CDH12: variants seen among roughly 807,000 people sequenced by gnomAD.
The protein encoded by CDH12 is cadherin 12.
A neutral mutation model predicts 74.1 loss-of-function variants in CDH12; 41 were observed. That is an observed-to-expected ratio of 0.55 (90% CI 0.43 to 0.72). The LOEUF (loss-of-function observed/expected upper bound fraction) is 0.72, where lower values mean the gene tolerates loss of function less well. Among genes scored for constraint, CDH12 ranks in the 30% least tolerant of loss-of-function variants. The pLI is 0.00. For synonymous variants in CDH12, 399 were observed against 355.0 expected, an observed-to-expected ratio of 1.12 and a Z score of -1.39; for missense variants, 945 against 977.2, an observed-to-expected ratio of 0.97 and a Z score of 0.44.
intron 4 of CDH12, among the ~76,000 whole-genome samples, chr5:22,186,330 T>C (rs1452966841): frequency 6.6e-6 from 1 of 152,180 alleles, no homozygotes; most frequent in Non-Finnish European, 1.5e-5. Context: ...TTTGAATTTA[T>C]CAGAAAAAGC....
intron 5 of CDH12, among the ~76,000 whole-genome samples, chr5:21,993,514 T>C (rs1328619780): frequency 6.6e-6 from 1 of 152,130 alleles, no homozygotes; most frequent in Admixed American, 6.6e-5. Flanking sequence ...AGAAAGCAAA[T>C]ACATGTGTTA....
At chr5:22,185,273 A>G (rs1161996997) in intron 4 of CDH12, among the ~76,000 whole-genome samples, 1 of 145,612 alleles carries the variant, frequency 6.9e-6, no homozygotes, top group African/African-American at 2.6e-5. Context: ...ATCTTGGCTC[A>G]CTGCAATCTC....
At chr5:22,531,513 C>A (rs1737581228) in intron 1 of CDH12, among the ~76,000 whole-genome samples, 1 of 152,038 alleles carries the variant, frequency 6.6e-6, no homozygotes, top group East Asian at 1.9e-4. Flanking sequence ...ACCATCAGTA[C>A]ATTTGTCTGC....
chr5:21,915,891 G>A (rs542275653), intron 6 of CDH12, among the ~76,000 whole-genome samples: 1 of 148,656 alleles, frequency 6.7e-6, no homozygotes, highest in African/African-American at 2.5e-5. Flanking sequence ...AACAATATAA[G>A]GGTTAGGAAA....
In CDH12 at chr5:22,721,159, G is replaced by T. The variant is rs142657075; in HGVS notation, c.-523+131899C>A. On this transcript the variant is annotated intron_variant, in intron 1 of 14. Transcript: ENST00000382254. ...TAGTGGTTTCATGAGCCCGGCCCAG[G>T]GCCCCACTGCTGCTCTGTGCAGCCT... 2.6e-5 allele frequency among the ~76,000 whole-genome samples: 4 copies of T among 152,332 alleles called. No individual in the cohort carries two copies. The East Asian group carries it at 7.7e-4, about 29-fold the overall frequency.
intron 1 of CDH12, among the ~76,000 whole-genome samples, chr5:22,562,207 C>T (rs1739081427): frequency 6.6e-6 from 1 of 151,608 alleles, no homozygotes; most frequent in South Asian, 2.1e-4. Context: ...GTCCCAGCTA[C>T]TTGGGAGGCT....
chr5:22,334,631 G>T (rs1028573004), intron 3 of CDH12, among the ~76,000 whole-genome samples: 3 of 152,104 alleles, frequency 2.0e-5, no homozygotes, highest in Non-Finnish European at 2.9e-5. Context: ...AAAACAGCAT[G>T]ATACTGGCAT....
At chr5:22,803,045 C>T (rs1472657375) in intron 1 of CDH12, among the ~76,000 whole-genome samples, 1 of 152,128 alleles carries the variant, frequency 6.6e-6, no homozygotes, top group African/African-American at 2.4e-5. Flanking sequence ...CAGCTCCTCA[C>T]TAAAGGAAGC....
chr5:22,653,027 G>A (rs1739821171), intron 1 of CDH12, among the ~76,000 whole-genome samples: 2 of 152,100 alleles, frequency 1.3e-5, no homozygotes, highest in East Asian at 1.9e-4. Flanking sequence ...CTTTCTGTAA[G>A]CCCATAAACA....
intron 4 of CDH12, among the ~76,000 whole-genome samples, chr5:22,096,284 T>C (rs1366003935): frequency 3.3e-5 from 5 of 152,114 alleles, no homozygotes. Flanking sequence ...AAGATCTAAA[T>C]AATTCTTGTC....
At chr5:22,532,270 G>A (rs1737616565) in intron 1 of CDH12, among the ~76,000 whole-genome samples, 1 of 145,648 alleles carries the variant, frequency 6.9e-6, no homozygotes. Flanking sequence ...TTACCTGCAC[G>A]ACATGGCACA....
chr5:22,705,528 C>CACACAA (rs1251120024), intron 1 of CDH12, among the ~76,000 whole-genome samples: 3 of 151,244 alleles, frequency 2.0e-5, no homozygotes, highest in African/African-American at 7.3e-5. Context: ...CACACACACA[C>CACACAA]AAACACACAC....
At chr5:22,306,427 A>G (rs1292952116) in intron 3 of CDH12, among the ~76,000 whole-genome samples, 1 of 152,198 alleles carries the variant, frequency 6.6e-6, no homozygotes, top group Non-Finnish European at 1.5e-5. Context: ...GAACTAAGAT[A>G]TGGACAGATA....
At chr5:22,395,425 T>C (rs1742413974) in intron 3 of CDH12, among the ~76,000 whole-genome samples, 1 of 152,076 alleles carries the variant, frequency 6.6e-6, no homozygotes, top group African/African-American at 2.4e-5. Context: ...GAGAATGAAT[T>C]CATTTTGTTT....
At chr5:22,190,124 G>A (rs530423252) in intron 4 of CDH12, among the ~76,000 whole-genome samples, 113 of 152,202 alleles carry the variant, frequency 7.4e-4, no homozygotes, top group Middle Eastern at 6.8e-3. Flanking sequence ...CTCATACTGA[G>A]TCATCATGAT....
intron 6 of CDH12, among the ~76,000 whole-genome samples, chr5:21,891,069 A>G (rs957948421): frequency 6.6e-6 from 1 of 152,088 alleles, no homozygotes; most frequent in Non-Finnish European, 1.5e-5. Context: ...CAATATATCT[A>G]CCACATACCT....
intron 3 of CDH12, among the ~76,000 whole-genome samples, chr5:22,251,833 A>G (rs1753146361): frequency 6.6e-6 from 1 of 152,166 alleles, no homozygotes; most frequent in African/African-American, 2.4e-5. Context: ...AATTTTGTAA[A>G]GAAGCTGAAC....
intron 1 of CDH12, among the ~76,000 whole-genome samples, chr5:22,661,416 C>T (rs568937084): frequency 1.3e-5 from 2 of 152,196 alleles, no homozygotes; most frequent in South Asian, 4.1e-4. Context: ...CCAATGCAGA[C>T]GTTTTAGAAA....
At chr5:22,121,836 G>A (rs971099891) in intron 4 of CDH12, among the ~76,000 whole-genome samples, 4 of 151,980 alleles carry the variant, frequency 2.6e-5, no homozygotes, top group African/African-American at 9.7e-5. Flanking sequence ...AAACCCCTTT[G>A]TTCACTTCTA....
Sources: allele counts gnomAD v4.1 joint callset (sites outside exome capture counted in the v4.1 genomes callset), GRCh38; gene constraint gnomAD v4.1.1; transcripts MANE v1.5; gene names NCBI Gene and HGNC (gene_info 2026-07-23, HGNC 2026-07-21).